SGCZ: variants seen among roughly 807,000 people sequenced by gnomAD.
SGCZ encodes sarcoglycan zeta, also known as zeta-sarcoglycan.
Under a neutral mutation model 41.3 loss-of-function variants are expected in SGCZ, and 40 were observed. The observed-to-expected ratio is 0.97, with a 90% confidence interval of 0.75 to 1.26. The LOEUF (loss-of-function observed/expected upper bound fraction) is 1.26. Ranked by LOEUF, SGCZ falls within the 50% of genes most tolerant of loss-of-function variation. The pLI is 0.00. For synonymous variants in SGCZ, 206 were observed against 137.5 expected (o/e 1.50, Z -3.49); for missense variants, 552 against 369.8 (o/e 1.49, Z -4.04).
At chr8:14,425,049 TCTA>T (rs1799740064) in intron 2 of SGCZ, among the ~76,000 whole-genome samples, 1 of 152,224 alleles carries the variant, frequency 6.6e-6, no homozygotes, top group African/African-American at 2.4e-5. Flanking sequence ...AGCTTGCCTT[TCTA>T]CTTTTTTATT....
chr8:14,449,787 C>T (rs117907074), intron 2 of SGCZ, among the ~76,000 whole-genome samples: 7 of 152,250 alleles, frequency 4.6e-5, no homozygotes, highest in Non-Finnish European at 1.0e-4. Flanking sequence ...AACACCTCTA[C>T]TCTTTTGGCT....
rs1554472778 is a variant in SGCZ, at chr8:14,177,940, C to CTTCTTTTCTTTTAT, written c.425-13239_425-13238insATAAAAGAAAAGAA. On this transcript the variant is annotated intron_variant, in intron 4 of 7. Transcript: ENST00000382080. Reference sequence around the variant, plus strand: ...TTGGAGATTTTATTTTTCTTTTTTCCTTCTTTTCTTTTTTTTTCTTTTTTT... The same window carrying CTTCTTTTCTTTTAT: ...TTGGAGATTTTATTTTTCTTTTTTCCTTCTTTTCTTTTATTTCTTTTCTTTTTTTTTCTTTTTTT... Among the ~76,000 whole-genome samples, 83 of 91,524 alleles carry CTTCTTTTCTTTTAT rather than the reference C, an allele frequency of 9.1e-4. 1 individual carries two copies. The highest frequency in any genetic ancestry group is 1.3e-3 in the Non-Finnish European group (66 of 50,270). The allele number at this position is 91,524 out of a possible 152,430, so 60.0% of individuals were successfully genotyped here.
chr8:14,689,076 G>A (rs563512587), intron 1 of SGCZ, among the ~76,000 whole-genome samples: 22 of 152,094 alleles, frequency 1.4e-4, no homozygotes, highest in African/African-American at 2.4e-4. Context: ...TATTATAATA[G>A]TTCTTTTCTA....
chr8:15,041,108 T>C (rs1804078531), intron 1 of SGCZ, among the ~76,000 whole-genome samples: 1 of 151,930 alleles, frequency 6.6e-6, no homozygotes, highest in Non-Finnish European at 1.5e-5. Flanking sequence ...TTTAGAGTAA[T>C]GAGGTGGCTT....
intron 2 of SGCZ, among the ~76,000 whole-genome samples, chr8:14,511,381 G>C (rs1053826347): frequency 6.6e-5 from 10 of 151,916 alleles, no homozygotes; most frequent in African/African-American, 1.9e-4. Flanking sequence ...ACTGCACAGA[G>C]AGATGATTTA....
At chr8:14,690,536 T>G (rs544992883) in intron 1 of SGCZ, 2 of 152,270 alleles carry the variant, frequency 1.3e-5, no homozygotes, top group South Asian at 4.1e-4. Context: ...GTGTCTGGAA[T>G]AAACTGAAAG....
chr8:14,225,646 G>C (rs866930009), intron 4 of SGCZ, among the ~76,000 whole-genome samples: 3 of 152,196 alleles, frequency 2.0e-5, no homozygotes, highest in South Asian at 2.1e-4. Context: ...TATGCTAAAG[G>C]AGCATGTATA....
intron 2 of SGCZ, among the ~76,000 whole-genome samples, chr8:14,471,482 G>A (rs879535273): frequency 3.3e-5 from 5 of 151,922 alleles, no homozygotes; most frequent in African/African-American, 4.8e-5. Flanking sequence ...CAATTATTCT[G>A]ATGACATATA....
chr8:14,653,871 T>A (rs1030282583), intron 1 of SGCZ, among the ~76,000 whole-genome samples: 3 of 152,152 alleles, frequency 2.0e-5, no homozygotes, highest in Non-Finnish European at 2.9e-5. Flanking sequence ...TCTCATAGAA[T>A]CATAATCCTT....
chr8:14,205,177 T>A (rs1272025097), intron 4 of SGCZ, among the ~76,000 whole-genome samples: 2 of 152,142 alleles, frequency 1.3e-5, no homozygotes, highest in East Asian at 1.9e-4. Context: ...CTTTATTTTT[T>A]TTTTTTCACT....
intron 1 of SGCZ, among the ~76,000 whole-genome samples, chr8:15,066,341 C>T (rs943910259): frequency 2.0e-5 from 3 of 151,310 alleles, no homozygotes; most frequent in East Asian, 3.9e-4. Flanking sequence ...AAAAGAAGTC[C>T]ACCTTACTTT....
At chr8:15,043,693 C>T (rs953182188) in intron 1 of SGCZ, among the ~76,000 whole-genome samples, 2 of 151,870 alleles carry the variant, frequency 1.3e-5, no homozygotes, top group Non-Finnish European at 2.9e-5. Context: ...TTTTCATATA[C>T]AAACATGAGG....
intron 7 of SGCZ, among the ~76,000 whole-genome samples, chr8:14,092,225 G>A (rs1801708939): frequency 6.6e-6 from 1 of 152,040 alleles, no homozygotes; most frequent in Non-Finnish European, 1.5e-5. Context: ...CTGTAGCCTT[G>A]TATTATAGTT....
At chr8:14,728,286 T>G (rs1005608126) in intron 1 of SGCZ, among the ~76,000 whole-genome samples, 4 of 150,306 alleles carry the variant, frequency 2.7e-5, no homozygotes, top group Non-Finnish European at 5.9e-5. Flanking sequence ...TGTATAACCT[T>G]AATACATTTA....
intron 1 of SGCZ, among the ~76,000 whole-genome samples, chr8:14,684,758 C>A (rs1390246207): frequency 6.6e-6 from 1 of 151,218 alleles, no homozygotes; most frequent in Non-Finnish European, 1.5e-5. Flanking sequence ...TATAAAATTG[C>A]TGCAAAGAAG....
At chr8:14,231,352 G>A (rs1806565417) in intron 4 of SGCZ, among the ~76,000 whole-genome samples, 1 of 151,858 alleles carries the variant, frequency 6.6e-6, no homozygotes, top group Non-Finnish European at 1.5e-5. Flanking sequence ...TCTTAGGGAA[G>A]GTCTTCAGCC....
chr8:14,838,119 T>C (rs778475044), intron 1 of SGCZ, among the ~76,000 whole-genome samples: 2 of 152,252 alleles, frequency 1.3e-5, no homozygotes, highest in Middle Eastern at 3.4e-3. Flanking sequence ...TTCTCACTCA[T>C]ATGCGGGATA....
intron 4 of SGCZ, among the ~76,000 whole-genome samples, chr8:14,189,796 C>T (rs894668336): frequency 2.0e-5 from 3 of 152,088 alleles, no homozygotes; most frequent in African/African-American, 4.8e-5. Flanking sequence ...TTTTTGAATA[C>T]CTCACTAAAA....
At chr8:15,045,531 T>G (rs1461052652) in intron 1 of SGCZ, among the ~76,000 whole-genome samples, 3 of 152,066 alleles carry the variant, frequency 2.0e-5, no homozygotes, top group Non-Finnish European at 4.4e-5. Flanking sequence ...GGTTTAAGAT[T>G]GAGATTAGTT....
Sources: gnomAD v4.1 joint callset for allele counts (sites outside exome capture counted in the v4.1 genomes callset) on GRCh38, gnomAD v4.1.1 for gene constraint, MANE v1.5 for transcripts, NCBI Gene and HGNC (gene_info 2026-07-23, HGNC 2026-07-21) for gene names.